STAG1: variants seen among roughly 807,000 people sequenced by gnomAD.
STAG1 encodes the protein cohesin subunit SA-1.
In STAG1, 26 loss-of-function variants were observed where a neutral mutation model predicts 170.9. The ratio of observed to expected loss-of-function variants is 0.15; its 90% CI spans 0.11 to 0.21. The LOEUF is 0.21. Ranked by LOEUF, STAG1 falls within the 10% of genes least tolerant of loss-of-function variation. The pLI is 1.00. For synonymous variants in STAG1, 514 were observed against 497.7 expected (o/e 1.03, Z -0.44); for missense variants, 964 against 1,509.5 (o/e 0.64, Z 5.99).
At chr3:136,440,668 C>A (rs1338219544) in intron 15 of STAG1, among the ~76,000 whole-genome samples, 1 of 151,876 alleles carries the variant, frequency 6.6e-6, no homozygotes, top group Non-Finnish European at 1.5e-5. Flanking sequence ...TGATTTTTAT[C>A]AGGGAAAATA....
Position 136,349,151 on chromosome 3 carries a change from G to A in STAG1, c.3271+7C>T. ...AATTGTTTCTTATAGTGTAAAGGCA[G>A]ACTTACCTTCTACTCGTTTTTTATG... On this transcript the variant is annotated splice_region_variant and intron_variant, in intron 29 of 33. Transcript: ENST00000383202. 1 of 1,609,702 alleles carries A rather than the reference G, an allele frequency of 6.2e-7. No homozygotes were observed. The highest frequency in any genetic ancestry group is 8.5e-7 in the Non-Finnish European group (1 of 1,176,086).
chr3:136,451,451 A>C (rs1255056091), intron 14 of STAG1, among the ~76,000 whole-genome samples: 2 of 152,154 alleles, frequency 1.3e-5, no homozygotes, highest in African/African-American at 2.4e-5. Context: ...AGGCATAAAA[A>C]CAAAAGGCAA....
rs2089547699 is a variant in STAG1, at chr3:136,468,919, T to C, written c.1205+3494A>G. 3.9e-5 allele frequency among the ~76,000 whole-genome samples: 6 copies of C among 152,136 alleles called. No homozygotes were observed. The South Asian group carries it at 1.2e-3, about 32-fold the overall frequency. On this transcript the variant is annotated intron_variant, in intron 12 of 33. Transcript: ENST00000383202. ...TATCTCAATACATGCAGAAAAGGCC[T>C]TTGACAAAATTCAACAACGCTTCAT...
intron 6 of STAG1, among the ~76,000 whole-genome samples, chr3:136,532,343 T>C (rs1935416295): frequency 6.6e-6 from 1 of 152,206 alleles, no homozygotes; most frequent in African/African-American, 2.4e-5. Flanking sequence ...GTTGTTGTTT[T>C]TGCTGTGGCC....
Position 136,477,293 on chromosome 3 carries a change from T to C in STAG1, c.1022A>G (p.Asp341Gly). 6.2e-7 allele frequency: 1 copy of C among 1,611,980 alleles called. No individual in the cohort carries two copies. Among genetic ancestry groups the C allele is most frequent in the Non-Finnish European group, 8.5e-7 (1 of 1,179,150 alleles). The part of the protein sequence containing the change: ...YLKYVGWTLH[D>G]RQGEVRLKCL... ...GCTTAGAACAGAGTAACTTACCCTG[T>C]CATGAAGAGTCCAGCCAACATATTT... Residue 341 changes from aspartate (D) to glycine (G), a missense_variant, in exon 10 of 34, where the codon GAC becomes GGC. Asp to Gly is a moderately conservative substitution (Grantham distance 94). Coordinates refer to ENST00000383202, the MANE Select transcript of STAG1 (RefSeq NM_005862.3).
rs374645920 is a variant in STAG1, at chr3:136,498,210, T to TTATATATATA, written c.902+2003_902+2012dup. Among the ~76,000 whole-genome samples, 27 of 50,822 alleles carry TTATATATATA rather than the reference T, an allele frequency of 5.3e-4. 2 individuals are homozygous for TTATATATATA. The highest frequency in any genetic ancestry group is 1.6e-3 in the African/African-American group (13 of 7,966). The allele number at this position is 50,822 out of a possible 152,430, so 33.3% of individuals were successfully genotyped here. A position where few individuals can be genotyped will look rare whatever the true frequency, so the allele number is the denominator to read the frequency against. Reference sequence around the variant, plus strand: ...TCCATCTTAAAAAAAAAAAAAAAAATTATATATATATATATATATATATAC... The same window carrying TTATATATATA: ...TCCATCTTAAAAAAAAAAAAAAAAATTATATATATATATATATATATATATATATATATAC... On this transcript the variant is annotated intron_variant, in intron 9 of 33. Coordinates refer to ENST00000383202, the MANE Select transcript of STAG1 (RefSeq NM_005862.3).
At chr3:136,714,974 A>G (rs1559967706) in intron 1 of STAG1, among the ~76,000 whole-genome samples, 1 of 110,030 alleles carries the variant, frequency 9.1e-6, no homozygotes, top group Non-Finnish European at 2.1e-5. Context: ...TTTTATATAT[A>G]TATTTTTATA....
chr3:136,602,396 AGAG>A (rs1413761276), intron 4 of STAG1, among the ~76,000 whole-genome samples: 4 of 147,134 alleles, frequency 2.7e-5, no homozygotes, highest in Non-Finnish European at 4.6e-5. Context: ...AAAAAAAAAA[AGAG>A]AGAGAGAGAA....
At position 136,578,271 on chromosome 3, in the gene STAG1, T is replaced by C. The variant is rs183025452; in HGVS notation, c.298-9410A>G. On this transcript the variant is annotated intron_variant, in intron 4 of 33. Coordinates refer to ENST00000383202, the MANE Select transcript of STAG1 (RefSeq NM_005862.3). ...AACCATCAAAGACCAAGAGAGCAAA[T>C]TGTCTATAAAGGGCAGTAGGGACAC... 8.0e-4 allele frequency among the ~76,000 whole-genome samples: 121 copies of C among 152,144 alleles called. 1 individual carries two copies. The South Asian group carries it at 0.024, about 30-fold the overall frequency.
intron 13 of STAG1, among the ~76,000 whole-genome samples, chr3:136,463,408 C>A (rs1029162906): frequency 6.6e-6 from 1 of 152,016 alleles, no homozygotes; most frequent in Non-Finnish European, 1.5e-5. Context: ...GTTGCCTAGT[C>A]CATGATTTAT....
At chr3:136,563,577 G>A (rs936665938) in intron 5 of STAG1, among the ~76,000 whole-genome samples, 23 of 140,506 alleles carry the variant, frequency 1.6e-4, no homozygotes, top group East Asian at 8.2e-4. Flanking sequence ...AACCAATCTC[G>A]TTACCGTCAG....
chr3:136,544,133 C>A (rs1198299144), intron 5 of STAG1, among the ~76,000 whole-genome samples: 1 of 152,194 alleles, frequency 6.6e-6, no homozygotes, highest in African/African-American at 2.4e-5. Context: ...CAGCACTAAA[C>A]ACCCTGTTCA....
At position 136,337,995 on chromosome 3, in the gene STAG1, A is replaced by C; in HGVS notation, c.*259T>G. 2.7e-6 allele frequency: 1 copy of C among 372,346 alleles called. No individual in the cohort carries two copies. The highest frequency in any genetic ancestry group is 4.8e-6 in the Non-Finnish European group (1 of 207,424). 23.1% of individuals were successfully genotyped at this position (372,346 alleles called of 1,614,324 possible). On this transcript the variant is annotated 3_prime_UTR_variant, in exon 34 of 34. Transcript: ENST00000383202. The stretch of plus-strand genomic sequence containing the variant: ...TCTTCCTCCCTCCAGAAAAACACAC[A>C]CATCTGTATTGGGATAAGTCCAATA...
intron 1 of STAG1, among the ~76,000 whole-genome samples, chr3:136,751,173 T>TG (rs1170683336): frequency 2.1e-5 from 2 of 97,212 alleles, no homozygotes; most frequent in Non-Finnish European, 2.6e-5. Flanking sequence ...ACAAATTGCG[T>TG]TTTTTTTTTT....
intron 4 of STAG1, among the ~76,000 whole-genome samples, chr3:136,590,668 A>G (rs1324699807): frequency 6.6e-6 from 1 of 152,220 alleles, no homozygotes; most frequent in Non-Finnish European, 1.5e-5. Context: ...GACATGTACA[A>G]GATGATGAGC....
chr3:136,391,978 A>G (rs1238428690), intron 22 of STAG1, among the ~76,000 whole-genome samples: 1 of 152,210 alleles, frequency 6.6e-6, no homozygotes, highest in Non-Finnish European at 1.5e-5. Flanking sequence ...TTTATTTAAT[A>G]GTGTTTACTG....
chr3:136,625,007 G>T (rs970699637), intron 2 of STAG1, among the ~76,000 whole-genome samples: 2 of 151,894 alleles, frequency 1.3e-5, no homozygotes, highest in African/African-American at 4.9e-5. Context: ...TTTTAAAACA[G>T]ATATGTTGTG....
chr3:136,691,242 T>C (rs1269084586), intron 1 of STAG1, among the ~76,000 whole-genome samples: 2 of 152,154 alleles, frequency 1.3e-5, no homozygotes, highest in East Asian at 1.9e-4. Flanking sequence ...GAGACCATCC[T>C]GGCTGACACG....
At chr3:136,479,541 T>G (rs1235865006) in intron 9 of STAG1, among the ~76,000 whole-genome samples, 1 of 64,052 alleles carries the variant, frequency 1.6e-5, no homozygotes, top group African/African-American at 4.9e-5. Context: ...TAAACATACG[T>G]GTGCATGTGT....
Sources: gnomAD v4.1 joint callset for allele counts (sites outside exome capture counted in the v4.1 genomes callset) on GRCh38, gnomAD v4.1.1 for gene constraint, MANE v1.5 for transcripts, NCBI Gene and HGNC (gene_info 2026-07-23, HGNC 2026-07-21) for gene names.